MYOM2: variants seen among roughly 807,000 people sequenced by gnomAD.
MYOM2 encodes myomesin 2.
MYOM2 carries 254 observed loss-of-function variants against 187.6 expected under a neutral mutation model. The ratio of observed to expected loss-of-function variants is 1.35; its 90% CI spans 1.22 to 1.50. The LOEUF (loss-of-function observed/expected upper bound fraction) is 1.50. MYOM2 is among the 40% of genes most tolerant of loss of function. MYOM2 has a pLI of 0.00. For missense variants in MYOM2, 2,796 were observed against 1,924.0 expected, an observed-to-expected ratio of 1.45 and a Z score of -8.48; for synonymous variants, 981 against 753.8, an observed-to-expected ratio of 1.30 and a Z score of -4.94.
chr8:2,109,851 G>C lies in MYOM2; in HGVS notation c.3180+320G>C, dbSNP rs116012440. ...TTGATGAATCAGTTCACTTATTCTT[G>C]ATAATGGTTTTGAAGGTATCTATTT... On this transcript the variant is annotated intron_variant, in intron 25 of 36. Transcript: ENST00000262113. 9.7e-3 allele frequency among the ~76,000 whole-genome samples: 1,474 copies of C among 152,304 alleles called. 23 individuals carry two copies. The highest frequency in any genetic ancestry group is 0.034 in the African/African-American group (1,407 of 41,554).
At position 2,074,812 on chromosome 8, in the gene MYOM2, T is replaced by A. The variant is rs145818664; in HGVS notation, c.1120+1312T>A. Among the ~76,000 whole-genome samples the A allele has an allele frequency of 1.6e-4, 24 of 152,326 alleles. 1 individual carries two copies. In the East Asian group the frequency reaches 4.6e-3, roughly 29 times the overall value. On this transcript the variant is annotated intron_variant, in intron 10 of 36. Transcript: ENST00000262113. ...CTCCCCTCCTGCTTCTGCCCTGGGCTGCACCTCAGCAGCCTCTGGGTTTAG... is the reference window on the plus strand; with the variant it reads ...CTCCCCTCCTGCTTCTGCCCTGGGCAGCACCTCAGCAGCCTCTGGGTTTAG...
rs1554546502 is a variant in MYOM2, at chr8:2,085,545, C to CCT, written c.1644+156_1644+157insTC. On this transcript the variant is annotated intron_variant, in intron 14 of 36. Transcript: ENST00000262113. Reference sequence around the variant, plus strand: ...CCACTGTTGTGATCTCTGCGTGGCCCCACTGTCATGATCTCTGCGTGGCCC... The same window carrying CCT: ...CCACTGTTGTGATCTCTGCGTGGCCCCTCACTGTCATGATCTCTGCGTGGCCC... 1.6e-3 allele frequency among the ~76,000 whole-genome samples: 80 copies of CCT among 50,438 alleles called. 12 individuals are homozygous for CCT. Among genetic ancestry groups the CCT allele is most frequent in the Non-Finnish European group, 2.1e-3 (56 of 27,040 alleles). The allele number at this position is 50,438 out of a possible 152,430, so 33.1% of individuals were successfully genotyped here.
At position 2,143,881 on chromosome 8, in the gene MYOM2, G is replaced by T. The variant is rs958556711; in HGVS notation, c.4080+425G>T. Among the ~76,000 whole-genome samples the T allele has an allele frequency of 2.0e-4, 30 of 151,722 alleles. 1 individual carries two copies. Among genetic ancestry groups the T allele is most frequent in the Non-Finnish European group, 7.4e-5 (5 of 67,920 alleles). ...TGAAACAGCACAGCTTTTACAACAC[G>T]AAGGAAAAAAAAATCTCTGCTCCTA... On this transcript the variant is annotated intron_variant, in intron 36 of 36. Transcript: ENST00000262113.
At chr8:2,065,815 G>A (rs970721511) in intron 6 of MYOM2, among the ~76,000 whole-genome samples, 7 of 152,178 alleles carry the variant, frequency 4.6e-5, no homozygotes, top group East Asian at 1.9e-4. Context: ...AAGTGGCTGC[G>A]TAAGGTTCAT....
At chr8:2,115,549 A>G (rs539296695) in intron 25 of MYOM2, among the ~76,000 whole-genome samples, 1 of 152,360 alleles carries the variant, frequency 6.6e-6, no homozygotes, top group Non-Finnish European at 1.5e-5. Context: ...GGAGCTGAAG[A>G]TGACAGTGGC....
At chr8:2,120,675 T>TATATATATATATATATATA (rs1220891042) in intron 28 of MYOM2, among the ~76,000 whole-genome samples, 1 of 41,420 alleles carries the variant, frequency 2.4e-5, no homozygotes, top group Non-Finnish European at 5.2e-5. Context: ...TATATATATA[T>TATATATATATATATATATA]TATATTATAT....
At chr8:2,103,928 G>A (rs1480073846) in intron 21 of MYOM2, among the ~76,000 whole-genome samples, 1 of 152,148 alleles carries the variant, frequency 6.6e-6, no homozygotes, top group Non-Finnish European at 1.5e-5. Flanking sequence ...ATGGGTGTAC[G>A]GATAAATGAA....
intron 24 of MYOM2, 182 bp from the exon 25 acceptor site, chr8:2,109,213 A>G (rs767553634): frequency 5.9e-6 from 4 of 674,288 alleles, no homozygotes; most frequent in Non-Finnish European, 9.4e-6. Context: ...ATGAGGCTTT[A>G]GAGGCAACAA....
In MYOM2 at chr8:2,086,292, ATCTCCGCGTGGCCCCCCACAGTCG is replaced by A. The variant is rs1796042296; in HGVS notation, c.1644+904_1644+927del. Among the ~76,000 whole-genome samples, 362 of 145,546 alleles carry A rather than the reference ATCTCCGCGTGGCCCCCCACAGTCG, an allele frequency of 2.5e-3. 105 individuals carry two copies. The highest frequency in any genetic ancestry group is 5.1e-3 in the African/African-American group (204 of 39,924). ...TGATCTCTGGCACCCCACTGTCGTG[ATCTCCGCGTGGCCCCCCACAGTCG>A]TGATCTCTGCGTGGCCCCCCACTGT... On this transcript the variant is annotated intron_variant, in intron 14 of 36. Transcript: ENST00000262113.
chr8:2,086,470 A>AGTCGTGATCTCTGCGTGGCCTCC (rs1796070390), intron 14 of MYOM2, among the ~76,000 whole-genome samples: 2 of 96,376 alleles, frequency 2.1e-5, no homozygotes, highest in Non-Finnish European at 4.1e-5. Context: ...ACGTGGCCAC[A>AGTCGTGATCTCTGCGTGGCCTCC]CACTGTCATG....
At position 2,102,650 on chromosome 8, in the gene MYOM2, T is replaced by C; in HGVS notation, c.2620-17T>C. The C allele has an allele frequency of 6.4e-7, 1 of 1,564,840 alleles. No individual in the cohort carries two copies. On this transcript the variant is annotated splice_polypyrimidine_tract_variant and intron_variant, in intron 20 of 36. Coordinates refer to ENST00000262113, the MANE Select transcript of MYOM2 (RefSeq NM_003970.4). ...ATTTTACCTCCACACATCTGGTGTT[T>C]CCTCTGTTGTTTCAAGGTCTCTGAC...
chr8:2,062,205 C>A (rs1563421482), intron 6 of MYOM2, among the ~76,000 whole-genome samples: 1 of 152,154 alleles, frequency 6.6e-6, no homozygotes, highest in Non-Finnish European at 1.5e-5. Context: ...CACGGGGACC[C>A]CGTGGGCCAT....
At chr8:2,114,332 A>G (rs2116830071) in intron 25 of MYOM2, among the ~76,000 whole-genome samples, 1 of 152,302 alleles carries the variant, frequency 6.6e-6, no homozygotes, top group South Asian at 2.1e-4. Context: ...AGTGATGCAA[A>G]GTAGTGTTCT....
At chr8:2,092,255 C>G in intron 15 of MYOM2, 91 bp from the exon 16 acceptor site, 3 of 1,457,792 alleles carry the variant, frequency 2.1e-6, no homozygotes, top group Admixed American at 1.8e-5. Flanking sequence ...GTCTGGCTGT[C>G]CAGTTCCCTG....
At chr8:2,051,336 C>T (rs969389340) in intron 2 of MYOM2, among the ~76,000 whole-genome samples, 1 of 152,022 alleles carries the variant, frequency 6.6e-6, no homozygotes, top group African/African-American at 2.4e-5. Context: ...ATCCCTGCCT[C>T]TGGGGCTGGT....
chr8:2,065,074 C>A (rs182253120), intron 6 of MYOM2, among the ~76,000 whole-genome samples: 8 of 152,286 alleles, frequency 5.3e-5, no homozygotes, highest in African/African-American at 1.9e-4. Flanking sequence ...TATGATAAAA[C>A]CACAAAATGT....
intron 13 of MYOM2, among the ~76,000 whole-genome samples, chr8:2,083,282 G>A (rs1023420371): frequency 4.0e-5 from 6 of 150,316 alleles, no homozygotes; most frequent in Admixed American, 3.3e-4. Flanking sequence ...GTTGGCCAGT[G>A]TCTAGCCTTT....
intron 11 of MYOM2, among the ~76,000 whole-genome samples, chr8:2,077,474 G>C (rs190087418): frequency 2.6e-5 from 4 of 152,296 alleles, no homozygotes; most frequent in South Asian, 2.1e-4. Flanking sequence ...GTTTGTTTAT[G>C]CTGATTAAAT....
chr8:2,099,434 C>G (rs1181611100), intron 19 of MYOM2, among the ~76,000 whole-genome samples: 1 of 151,686 alleles, frequency 6.6e-6, no homozygotes, highest in Non-Finnish European at 1.5e-5. Flanking sequence ...TCCTGCAGTC[C>G]TCTCAGGCCA....
Sources: allele counts gnomAD v4.1 joint callset (sites outside exome capture counted in the v4.1 genomes callset), GRCh38; gene constraint gnomAD v4.1.1; transcripts MANE v1.5; gene names NCBI Gene and HGNC (gene_info 2026-07-23, HGNC 2026-07-21).